Variants in MED9 observed in about 807,000 individuals in gnomAD.
MED9 encodes the protein mediator complex subunit 9.
A neutral mutation model predicts 13.2 loss-of-function variants in MED9; 8 were observed. The ratio of observed to expected loss-of-function variants is 0.61; its 90% CI spans 0.36 to 1.10. The LOEUF is 1.10. Ranked by LOEUF, MED9 falls within the 50% of genes least tolerant of loss-of-function variation. The pLI, the probability that MED9 is intolerant of heterozygous loss-of-function variation, is 0.02. For missense variants in MED9, 180 were observed against 193.4 expected, an observed-to-expected ratio of 0.93 and a Z score of 0.41; for synonymous variants, 87 against 82.8, an observed-to-expected ratio of 1.05 and a Z score of -0.28.
At position 17,491,297 on chromosome 17, in the gene MED9, G is replaced by A. The variant is rs1242489; in HGVS notation, c.243G>A (p.Pro81=). 454,298 of 1,612,648 alleles carry A rather than the reference G, an allele frequency of 0.28. 68,474 individuals carry two copies. The highest frequency in any genetic ancestry group is 0.31 in the Non-Finnish European group (366,750 of 1,179,302). Residue 81 remains proline (P), a synonymous_variant, in exon 2 of 2, where the codon CCG becomes CCA. Coordinates refer to ENST00000268711, the MANE Select transcript of MED9 (RefSeq NM_018019.3). ...NIIKCMDKDS[P]EVHQDLNALK... The stretch of plus-strand genomic sequence containing the variant: ...CCCACAGCATGGACAAGGACAGCCC[G>A]GAGGTCCACCAGGACCTGAACGCCC...
Position 17,477,032 on chromosome 17 carries a change from C to T in MED9, c.-10C>T, listed in dbSNP as rs767825328. The T allele has an allele frequency of 9.3e-6, 15 of 1,604,762 alleles. No individual in the cohort carries two copies. Among genetic ancestry groups the T allele is most frequent in the East Asian group, 2.2e-5 (1 of 44,842 alleles). On this transcript the variant is annotated 5_prime_UTR_variant, in exon 1 of 2. Transcript: ENST00000268711. ...GCGACCCGACCTCTGGCTAACCTAC[C>T]CCCGGAGCCATGGCCTCTGCTGGGG...
intron 1 of MED9, 51 bp from the exon 2 acceptor site, chr17:17,491,228 G>T (rs755763093): frequency 6.5e-7 from 1 of 1,535,636 alleles, no homozygotes. Flanking sequence ...GGGCAGGAAC[G>T]CCAAGACGTG....
In MED9 at chr17:17,492,065, A is replaced by G. The variant is rs2142479363; in HGVS notation, c.*570A>G. 1.3e-5 allele frequency: 2 copies of G among 158,356 alleles called. No individual in the cohort carries two copies. Among genetic ancestry groups the G allele is most frequent in the South Asian group, 3.7e-4 (2 of 5,358 alleles). 9.8% of individuals were successfully genotyped at this position (158,356 alleles called of 1,614,324 possible). ...CAGAGGGTGGCCTTTTTCCCCAAAC[A>G]GTTTGGTTCCTTTTATGTTTGAGCC... is the stretch of plus-strand genomic sequence containing the variant. On this transcript the variant is annotated 3_prime_UTR_variant, in exon 2 of 2. Transcript: ENST00000268711.
chr17:17,487,230 G>C (rs1905149808), intron 1 of MED9: 1 of 152,262 alleles, frequency 6.6e-6, no homozygotes, highest in African/African-American at 2.4e-5. Context: ...CAGGCCACTC[G>C]GCTCTACCAA....
chr17:17,490,333 G>T (rs892529374), intron 1 of MED9, among the ~76,000 whole-genome samples: 4 of 152,256 alleles, frequency 2.6e-5, no homozygotes, highest in African/African-American at 4.8e-5. Context: ...CTACTCAGGA[G>T]GCTGAGGCAG....
rs978943865 is a variant in MED9, at chr17:17,493,077, C to G, written c.*1582C>G. 1.3e-5 allele frequency: 2 copies of G among 152,186 alleles called. No homozygotes were observed. The highest frequency in any genetic ancestry group is 1.5e-5 in the Non-Finnish European group (1 of 68,022). The allele number at this position is 152,186 out of a possible 1,614,324, so 9.4% of individuals were successfully genotyped here. On this transcript the variant is annotated 3_prime_UTR_variant, in exon 2 of 2. Transcript: ENST00000268711. ...GAAGCACGTGGAACTACAAGACCCC[C>G]GGGGTCTTTCTGAGTGCAAGGCTGA...
chr17:17,486,996 C>A (rs910867376), intron 1 of MED9: 1 of 151,160 alleles, frequency 6.6e-6, no homozygotes, highest in East Asian at 1.9e-4. Flanking sequence ...ATACACCAAT[C>A]GGCACTCTGT....
At position 17,491,868 on chromosome 17, in the gene MED9, C is replaced by T. The variant is rs894642249; in HGVS notation, c.*373C>T. ...AAGAGCACAGTAGGAAGGGAGGCGG[C>T]TCCTCTTTGCTTCCTTCCCTCTCTC... On this transcript the variant is annotated 3_prime_UTR_variant, in exon 2 of 2. Transcript: ENST00000268711. 2 of 298,316 alleles carry T rather than the reference C, an allele frequency of 6.7e-6. No individual in the cohort carries two copies. The highest frequency in any genetic ancestry group is 3.7e-5 in the South Asian group (1 of 27,004). The allele number at this position is 298,316 out of a possible 1,614,324, so 18.5% of individuals were successfully genotyped here.
chr17:17,478,613 A>G (rs1904969251), intron 1 of MED9, among the ~76,000 whole-genome samples: 1 of 152,144 alleles, frequency 6.6e-6, no homozygotes, highest in Admixed American at 6.5e-5. Flanking sequence ...TAATCCCAGC[A>G]CTTTGGGAGG....
chr17:17,478,345 T>C (rs917689446), intron 1 of MED9, among the ~76,000 whole-genome samples: 1 of 152,246 alleles, frequency 6.6e-6, no homozygotes, highest in Non-Finnish European at 1.5e-5. Flanking sequence ...TCCAGTAACA[T>C]TCAGGTGAAC....
At chr17:17,486,062 T>TG (rs1905122572) in intron 1 of MED9, 1 of 151,870 alleles carries the variant, frequency 6.6e-6, no homozygotes, top group Non-Finnish European at 1.5e-5. Context: ...AGTACAGTTT[T>TG]TTTTTTGGAG....
chr17:17,491,368 C>G lies in MED9; in HGVS notation c.314C>G (p.Pro105Arg). 1 of 1,614,002 alleles carries G rather than the reference C, an allele frequency of 6.2e-7. No individual in the cohort carries two copies. Among genetic ancestry groups the G allele is most frequent in the Non-Finnish European group, 8.5e-7 (1 of 1,180,032 alleles). The change falls in exon 2 of 2, where the codon CCC becomes CGC. Residue 105 changes from proline to arginine, a missense_variant. Coordinates refer to ENST00000268711, the MANE Select transcript of MED9 (RefSeq NM_018019.3). ...ATGCGCAAGCTCATCAGCACCATGC[C>G]CGGCATCCACCTGAGCCCCGAACAG... Reference protein sequence around the residue: ...QEMRKLISTMPGIHLSPEQQQ... With the variant: ...QEMRKLISTMRGIHLSPEQQQ...
At chr17:17,484,615 C>T (rs1259248278) in intron 1 of MED9, among the ~76,000 whole-genome samples, 2 of 152,274 alleles carry the variant, frequency 1.3e-5, no homozygotes, top group Admixed American at 6.5e-5. Context: ...CTCTGCCGTT[C>T]ACTTTCTTCT....
chr17:17,478,188 G>GT lies in MED9; in HGVS notation c.224+926dup, dbSNP rs1293177603. Among the ~76,000 whole-genome samples, 11 of 152,274 alleles carry GT rather than the reference G, an allele frequency of 7.2e-5. No individual in the cohort carries two copies. The East Asian group carries it at 1.5e-3, about 21-fold the overall frequency. On this transcript the variant is annotated intron_variant, in intron 1 of 1. Transcript: ENST00000268711. ...TTTTTGTATTTTTTGTAGAGATGGA[G>GT]TTTCACCATGTTGCCCAGGCTGTAA...
rs1391319942 is a variant in MED9, at chr17:17,491,536, C to T, written c.*41C>T. The stretch of plus-strand genomic sequence containing the variant: ...CTTAGAAAGAGGGGGAAGCCAATGG[C>T]CTGTCTCCCCACTACCATCCCCAAA... On this transcript the variant is annotated 3_prime_UTR_variant, in exon 2 of 2. Coordinates refer to ENST00000268711, the MANE Select transcript of MED9 (RefSeq NM_018019.3). 10 of 1,536,868 alleles carry T rather than the reference C, an allele frequency of 6.5e-6. No homozygotes were observed. Among genetic ancestry groups the T allele is most frequent in the South Asian group, 1.1e-5 (1 of 89,272 alleles).
At chr17:17,488,909 C>T (rs1905184963) in intron 1 of MED9, among the ~76,000 whole-genome samples, 1 of 152,106 alleles carries the variant, frequency 6.6e-6, no homozygotes, top group African/African-American at 2.4e-5. Context: ...CTTGTTTGTA[C>T]GATGTTCATC....
chr17:17,482,794 G>A (rs1905054030), intron 1 of MED9, among the ~76,000 whole-genome samples: 1 of 152,170 alleles, frequency 6.6e-6, no homozygotes, highest in Non-Finnish European at 1.5e-5. Context: ...TTGGTGGGAA[G>A]AATAAGGGGG....
At position 17,477,035 on chromosome 17, in the gene MED9, C is replaced by T. The variant is rs200215650; in HGVS notation, c.-7C>T. ...ACCCGACCTCTGGCTAACCTACCCCCGGAGCCATGGCCTCTGCTGGGGTGG... is the reference window on the plus strand; with the variant it reads ...ACCCGACCTCTGGCTAACCTACCCCTGGAGCCATGGCCTCTGCTGGGGTGG... On this transcript the variant is annotated 5_prime_UTR_variant, in exon 1 of 2. Transcript: ENST00000268711. The T allele has an allele frequency of 2.3e-4, 364 of 1,605,104 alleles. 1 individual carries two copies. In the African/African-American group the frequency reaches 3.3e-3, roughly 14 times the overall value.
At position 17,491,852 on chromosome 17, in the gene MED9, G is replaced by T; in HGVS notation, c.*357G>T. ...CCCACTGACAGATCTGAAGAGCACA[G>T]TAGGAAGGGAGGCGGCTCCTCTTTG... On this transcript the variant is annotated 3_prime_UTR_variant, in exon 2 of 2. Transcript: ENST00000268711. 6.3e-6 allele frequency: 2 copies of T among 316,708 alleles called. No individual in the cohort carries two copies. The highest frequency in any genetic ancestry group is 6.6e-5 in the South Asian group (2 of 30,132). The allele number at this position is 316,708 out of a possible 1,614,324, so 19.6% of individuals were successfully genotyped here. A position where few individuals can be genotyped will look rare whatever the true frequency, so the allele number is the denominator to read the frequency against.
Sources: allele counts gnomAD v4.1 joint callset (sites outside exome capture counted in the v4.1 genomes callset), GRCh38; gene constraint gnomAD v4.1.1; transcripts MANE v1.5; gene names NCBI Gene and HGNC (gene_info 2026-07-23, HGNC 2026-07-21).